The following TMEM135 variants were observed in gnomAD, a reference collection of about 807,000 sequenced individuals.
TMEM135 encodes peroxisomal membrane protein 52.
TMEM135 carries 30 observed loss-of-function variants against 60.3 expected under a neutral mutation model. The observed-to-expected ratio is 0.50, with a 90% CI of 0.37 to 0.68. The LOEUF is 0.68. Among genes scored for constraint, TMEM135 ranks in the 30% least tolerant of loss-of-function variants. TMEM135 has a pLI of 0.00. For missense variants in TMEM135, 468 were observed against 548.8 expected, an observed-to-expected ratio of 0.85 and a Z score of 1.47; for synonymous variants, 190 against 186.7, an observed-to-expected ratio of 1.02 and a Z score of -0.14.
chr11:87,271,489 C>A (rs1054625043), intron 6 of TMEM135, among the ~76,000 whole-genome samples: 1 of 152,130 alleles, frequency 6.6e-6, no homozygotes, highest in African/African-American at 2.4e-5. Context: ...TGAAATGTGG[C>A]TAGTCAAATG....
At chr11:87,145,642 A>T (rs936225732) in intron 4 of TMEM135, among the ~76,000 whole-genome samples, 1 of 151,658 alleles carries the variant, frequency 6.6e-6, no homozygotes, top group African/African-American at 2.4e-5. Flanking sequence ...GAGATGATAC[A>T]TCATTGTGGT....
At chr11:87,213,453 G>A (rs2135345709) in intron 5 of TMEM135, among the ~76,000 whole-genome samples, 2 of 152,242 alleles carry the variant, frequency 1.3e-5, no homozygotes, top group Non-Finnish European at 2.9e-5. Context: ...AAGATTTCTG[G>A]ACCATTTGCT....
At chr11:87,321,121 A>G (rs1942811884) in intron 14 of TMEM135, 80 bp from the exon 15 acceptor site, 2 of 1,085,136 alleles carry the variant, frequency 1.8e-6, no homozygotes, top group African/African-American at 1.7e-5. Flanking sequence ...CCCATCCCAC[A>G]TAAGATAAGT....
At chr11:87,241,527 G>A (rs903626226) in intron 6 of TMEM135, among the ~76,000 whole-genome samples, 2 of 151,910 alleles carry the variant, frequency 1.3e-5, no homozygotes, top group Non-Finnish European at 2.9e-5. Context: ...TATATTCTTA[G>A]TTATTTTTAA....
chr11:87,246,241 C>A (rs983304556), intron 6 of TMEM135, among the ~76,000 whole-genome samples: 1 of 149,522 alleles, frequency 6.7e-6, no homozygotes, highest in African/African-American at 2.5e-5. Flanking sequence ...CAATGGGCTT[C>A]CCTTTGTGGG....
chr11:87,320,380 A>G (rs1412629756), intron 14 of TMEM135, among the ~76,000 whole-genome samples: 2 of 152,094 alleles, frequency 1.3e-5, no homozygotes, highest in Non-Finnish European at 2.9e-5. Flanking sequence ...TTGTTTAATC[A>G]TTTTTTGTCA....
intron 3 of TMEM135, among the ~76,000 whole-genome samples, chr11:87,089,056 T>C (rs1857153286): frequency 6.6e-6 from 1 of 152,196 alleles, no homozygotes; most frequent in East Asian, 1.9e-4. Flanking sequence ...ATTGCAGTTT[T>C]TGCCAAGTAT....
At chr11:87,270,937 A>G (rs1941850997) in intron 6 of TMEM135, among the ~76,000 whole-genome samples, 1 of 151,032 alleles carries the variant, frequency 6.6e-6, no homozygotes, top group Admixed American at 6.7e-5. Context: ...TTGGCTACAG[A>G]TTGCTGTGTA....
At chr11:87,293,104 C>G (rs1054485360) in intron 6 of TMEM135, among the ~76,000 whole-genome samples, 1 of 152,192 alleles carries the variant, frequency 6.6e-6, no homozygotes, top group Non-Finnish European at 1.5e-5. Flanking sequence ...GACCCCTTAA[C>G]CTGCTTCCTC....
chr11:87,145,371 A>C (rs940620826), intron 4 of TMEM135, among the ~76,000 whole-genome samples: 3 of 152,164 alleles, frequency 2.0e-5, no homozygotes, highest in African/African-American at 7.2e-5. Flanking sequence ...GCTATTGTAA[A>C]TAGTTGCTGC....
chr11:87,313,743 T>G (rs1942680829), intron 11 of TMEM135, among the ~76,000 whole-genome samples: 2 of 151,728 alleles, frequency 1.3e-5, no homozygotes, highest in Non-Finnish European at 3.0e-5. Context: ...AGCGAATGTG[T>G]CACAAAAGAA....
At chr11:87,085,340 C>G (rs141461646) in intron 3 of TMEM135, among the ~76,000 whole-genome samples, 33 of 152,258 alleles carry the variant, frequency 2.2e-4, no homozygotes, top group African/African-American at 7.2e-4. Context: ...AGGACTTAAT[C>G]TAATAGCAAT....
intron 6 of TMEM135, among the ~76,000 whole-genome samples, chr11:87,245,737 G>A (rs11518776): frequency 0.55 from 50,771 of 92,818 alleles, 15,740 homozygotes; most frequent in Non-Finnish European, 0.63. Context: ...TTTTGAGCCT[G>A]TGTGTGTCTG....
At chr11:87,270,240 T>C (rs1001223354) in intron 6 of TMEM135, among the ~76,000 whole-genome samples, 5 of 151,422 alleles carry the variant, frequency 3.3e-5, no homozygotes, top group African/African-American at 7.3e-5. Flanking sequence ...AGATTCTGGA[T>C]ATTAGCCCTT....
chr11:87,100,144 A>G (rs1857424407), intron 4 of TMEM135, among the ~76,000 whole-genome samples: 1 of 152,184 alleles, frequency 6.6e-6, no homozygotes, highest in South Asian at 2.1e-4. Context: ...TTCTGGGAAA[A>G]TGCAAAATGT....
chr11:87,243,311 G>A (rs1941183501), intron 6 of TMEM135, among the ~76,000 whole-genome samples: 1 of 147,064 alleles, frequency 6.8e-6, no homozygotes, highest in African/African-American at 2.5e-5. Context: ...TGTTCTTTTG[G>A]CTTAGGATTG....
At chr11:87,215,993 G>A (rs752542026) in intron 5 of TMEM135, among the ~76,000 whole-genome samples, 2 of 152,148 alleles carry the variant, frequency 1.3e-5, no homozygotes, top group Admixed American at 6.5e-5. Context: ...GAGAGAGAAA[G>A]AGAGAGAGAC....
chr11:87,095,975 CAAA>C (rs34559693), intron 4 of TMEM135: 153 of 130,680 alleles, frequency 1.2e-3, no homozygotes, highest in South Asian at 3.5e-3. Flanking sequence ...GACTCCATCT[CAAA>C]AAAAAAAAAA....
At chr11:87,318,787 A>T (rs1269685326) in intron 13 of TMEM135, among the ~76,000 whole-genome samples, 1 of 152,160 alleles carries the variant, frequency 6.6e-6, no homozygotes, top group African/African-American at 2.4e-5. Context: ...AAACTCATTA[A>T]AACTAATGAA....
Sources: gnomAD v4.1 joint callset for allele counts (sites outside exome capture counted in the v4.1 genomes callset) on GRCh38, gnomAD v4.1.1 for gene constraint, MANE v1.5 for transcripts, NCBI Gene and HGNC (gene_info 2026-07-23, HGNC 2026-07-21) for gene names.